Variants in TMEM220 observed in about 807,000 individuals in gnomAD.
TMEM220 encodes transmembrane protein 220.
In TMEM220, 21 loss-of-function variants were observed where a neutral mutation model predicts 21.7. That is an observed-to-expected ratio of 0.97 (90% confidence interval 0.69 to 1.39). The LOEUF is 1.39. TMEM220 is among the 40% of genes most tolerant of loss of function. The pLI is 0.00. For missense variants in TMEM220, 191 were observed against 201.9 expected (o/e 0.95, Z 0.33); for synonymous variants, 80 against 73.6 (o/e 1.09, Z -0.45).
At chr17:10,726,293 G>A in intron 2 of TMEM220, 29 bp from the exon 3 acceptor site, 5 of 1,555,814 alleles carry the variant, frequency 3.2e-6, no homozygotes, top group Non-Finnish European at 4.4e-6. Context: ...GAAATTACAT[G>A]AGTTAAGATG....
Position 10,729,030 on chromosome 17 carries a change from C to T in TMEM220, c.102+1G>A, listed in dbSNP as rs1392049867. ...AAAGCCTGGAAGCGGCTCATACTCA[C>T]CACCCACACCTCTGCATCTGGGTCA... On this transcript the variant is annotated splice_donor_variant, in intron 2 of 5. Transcript: ENST00000341871. LOFTEE classifies it high-confidence loss of function. 20 of 1,614,096 alleles carry T rather than the reference C, an allele frequency of 1.2e-5. No individual in the cohort carries two copies. Among genetic ancestry groups the T allele is most frequent in the Non-Finnish European group, 1.6e-5 (19 of 1,180,040 alleles).
In TMEM220 at chr17:10,715,324, T is replaced by G; in HGVS notation, c.*129A>C. ...TCTTACATCGAATTATATGCACCCTTAAAAAGTTATTTGGAGTTTTAAAAC... is the reference window on the plus strand; with the variant it reads ...TCTTACATCGAATTATATGCACCCTGAAAAAGTTATTTGGAGTTTTAAAAC... On this transcript the variant is annotated 3_prime_UTR_variant, in exon 6 of 6. Transcript: ENST00000341871. 1 of 812,574 alleles carries G rather than the reference T, an allele frequency of 1.2e-6. No individual in the cohort carries two copies. Among genetic ancestry groups the G allele is most frequent in the Non-Finnish European group, 1.8e-6 (1 of 543,580 alleles). 50.3% of individuals were successfully genotyped at this position (812,574 alleles called of 1,614,324 possible).
At chr17:10,716,290 G>A (rs1056897083) in intron 5 of TMEM220, 10 of 670,200 alleles carry the variant, frequency 1.5e-5, no homozygotes, top group East Asian at 7.3e-5. Flanking sequence ...AGGCCATAAC[G>A]CATCATCCTC....
chr17:10,724,978 C>T, intron 4 of TMEM220, 33 bp downstream of exon 4: 1 of 1,613,700 alleles, frequency 6.2e-7, no homozygotes. Flanking sequence ...TCCCACAGTT[C>T]TATCCCTCCA....
intron 2 of TMEM220, 58 bp downstream of exon 2, chr17:10,728,973 T>G (rs1210393023): frequency 1.3e-6 from 2 of 1,587,758 alleles, no homozygotes; most frequent in Non-Finnish European, 1.7e-6. Flanking sequence ...ACCGTGTGTT[T>G]TGTGCCGTTC....
chr17:10,729,937 CG>C lies in TMEM220; in HGVS notation c.-87del, dbSNP rs1209617706. The C allele has an allele frequency of 1.5e-5, 19 of 1,234,014 alleles. No homozygotes were observed. The East Asian group carries it at 5.7e-4, about 37-fold the overall frequency. 76.4% of individuals were successfully genotyped at this position (1,234,014 alleles called of 1,614,324 possible). A position where few individuals can be genotyped will look rare whatever the true frequency, so the allele number is the denominator to read the frequency against. ...CACGTACGGTCCGCCTTCCTCCTTG[CG>C]CGGAGGGACCGAGACCCCCGCCTCG... On this transcript the variant is annotated 5_prime_UTR_variant, in exon 1 of 6. Coordinates refer to ENST00000341871, the MANE Select transcript of TMEM220 (RefSeq NM_001004313.3).
intron 5 of TMEM220, among the ~76,000 whole-genome samples, chr17:10,721,628 GAAAAAAAAGA>G (rs1597528552): frequency 5.7e-5 from 3 of 52,800 alleles, no homozygotes; most frequent in African/African-American, 2.0e-4. Context: ...AAGAAAAAAA[GAAAAAAAAGA>G]AAAAAAAAAT....
At position 10,720,686 on chromosome 17, in the gene TMEM220, C is replaced by T. The variant is rs146045964; in HGVS notation, c.347+2584G>A. 2.2e-4 allele frequency among the ~76,000 whole-genome samples: 33 copies of T among 152,002 alleles called. No individual in the cohort carries two copies. The South Asian group carries it at 3.5e-3, about 16-fold the overall frequency. On this transcript the variant is annotated intron_variant, in intron 5 of 5. Coordinates refer to ENST00000341871, the MANE Select transcript of TMEM220 (RefSeq NM_001004313.3). ...TCAATATATTTTCAATACAATTAGCCCTAGAAATAAATGAATCTAACTGTG... is the reference window on the plus strand; with the variant it reads ...TCAATATATTTTCAATACAATTAGCTCTAGAAATAAATGAATCTAACTGTG...
chr17:10,726,500 T>C (rs2075051152), intron 2 of TMEM220: 1 of 547,882 alleles, frequency 1.8e-6, no homozygotes, highest in African/African-American at 1.9e-5. Context: ...CAGAAGCTCA[T>C]TTATCTTTGA....
Position 10,714,293 on chromosome 17 carries a change from T to C in TMEM220, c.*1160A>G, listed in dbSNP as rs577371862. The C allele has an allele frequency of 1.2e-4, 19 of 152,232 alleles. No individual in the cohort carries two copies. Among genetic ancestry groups the C allele is most frequent in the East Asian group, 9.7e-4 (5 of 5,178 alleles). 9.4% of individuals were successfully genotyped at this position (152,232 alleles called of 1,614,324 possible). A position where few individuals can be genotyped will look rare whatever the true frequency, so the allele number is the denominator to read the frequency against. ...TATTTAGGTATCATAAAATTTGCAA[T>C]TGGAAAATTAGATTCAAATACCCAA... On this transcript the variant is annotated 3_prime_UTR_variant, in exon 6 of 6. Coordinates refer to ENST00000341871, the MANE Select transcript of TMEM220 (RefSeq NM_001004313.3).
chr17:10,719,999 C>T (rs1263737570), intron 5 of TMEM220, among the ~76,000 whole-genome samples: 1 of 152,130 alleles, frequency 6.6e-6, no homozygotes, highest in Non-Finnish European at 1.5e-5. Context: ...AAGAGAAATG[C>T]AAGCTAAAAC....
Position 10,715,173 on chromosome 17 carries a change from C to A in TMEM220, c.*280G>T, listed in dbSNP as rs141623861. Reference sequence around the variant, plus strand: ...TATATTTGCCCAAATTACATAGTTACAAAGTTAAGTTAGAACTCGTATTTT... The same window carrying A: ...TATATTTGCCCAAATTACATAGTTAAAAAGTTAAGTTAGAACTCGTATTTT... On this transcript the variant is annotated 3_prime_UTR_variant, in exon 6 of 6. Coordinates refer to ENST00000341871, the MANE Select transcript of TMEM220 (RefSeq NM_001004313.3). 8.1e-6 allele frequency: 2 copies of A among 246,032 alleles called. No homozygotes were observed. The highest frequency in any genetic ancestry group is 2.1e-4 in the East Asian group (2 of 9,674). The allele number at this position is 246,032 out of a possible 1,614,324, so 15.2% of individuals were successfully genotyped here. A position where few individuals can be genotyped will look rare whatever the true frequency, so the allele number is the denominator to read the frequency against.
Position 10,723,448 on chromosome 17 carries a change from G to A in TMEM220, c.288-119C>T. Reference sequence around the variant, plus strand: ...GATTGAGTGACTGACTCTCCCTCAAGATCTATGGCATCGATGGAATATTTT... The same window carrying A: ...GATTGAGTGACTGACTCTCCCTCAAAATCTATGGCATCGATGGAATATTTT... On this transcript the variant is annotated intron_variant, in intron 4 of 5. Coordinates refer to ENST00000341871, the MANE Select transcript of TMEM220 (RefSeq NM_001004313.3). The A allele has an allele frequency of 4.0e-6, 3 of 755,648 alleles. 1 individual carries two copies. The East Asian group carries it at 7.5e-5, about 19-fold the overall frequency. The allele number at this position is 755,648 out of a possible 1,614,324, so 46.8% of individuals were successfully genotyped here.
At chr17:10,726,558 C>T (rs542142936) in intron 2 of TMEM220, among the ~76,000 whole-genome samples, 2 of 152,314 alleles carry the variant, frequency 1.3e-5, no homozygotes, top group East Asian at 3.9e-4. Context: ...CACTAACTTT[C>T]CAGTCGCTCC....
chr17:10,713,987 T>G lies in TMEM220; in HGVS notation c.*1466A>C, dbSNP rs1194373052. ...AAAAAACAGTATCTGACCACAGAGT[T>G]TGATGCTTGTGTATGTAAAATGTTG... On this transcript the variant is annotated 3_prime_UTR_variant, in exon 6 of 6. Coordinates refer to ENST00000341871, the MANE Select transcript of TMEM220 (RefSeq NM_001004313.3). 1 of 152,342 alleles carries G rather than the reference T, an allele frequency of 6.6e-6. No homozygotes were observed. The highest frequency in any genetic ancestry group is 2.1e-4 in the South Asian group (1 of 4,828). 9.4% of individuals were successfully genotyped at this position (152,342 alleles called of 1,614,324 possible).
In TMEM220 at chr17:10,713,381, A is replaced by G. The variant is rs1313692813; in HGVS notation, c.*2072T>C. On this transcript the variant is annotated 3_prime_UTR_variant, in exon 6 of 6. Transcript: ENST00000341871. ...GACTATTCCACCAAAAGTGCCTTTTATATGCTTAACTGAAGATGCGAAAGA... is the reference window on the plus strand; with the variant it reads ...GACTATTCCACCAAAAGTGCCTTTTGTATGCTTAACTGAAGATGCGAAAGA... 1 of 152,200 alleles carries G rather than the reference A, an allele frequency of 6.6e-6. No homozygotes were observed. The highest frequency in any genetic ancestry group is 2.1e-4 in the South Asian group (1 of 4,828). 9.4% of individuals were successfully genotyped at this position (152,200 alleles called of 1,614,324 possible). A position where few individuals can be genotyped will look rare whatever the true frequency, so the allele number is the denominator to read the frequency against.
At chr17:10,725,241 C>CA (rs1399370569) in intron 3 of TMEM220, 107 bp from the exon 4 acceptor site, 27 of 1,462,438 alleles carry the variant, frequency 1.8e-5, no homozygotes, top group Non-Finnish European at 2.1e-5. Context: ...AAAAGACATT[C>CA]AGACTCCCTC....
At chr17:10,716,075 G>C in intron 5 of TMEM220, 1 of 762,754 alleles carries the variant, frequency 1.3e-6, no homozygotes, top group Non-Finnish European at 2.2e-6. Flanking sequence ...ATTCAGTTTA[G>C]ATTGGTTTAA....
rs774786391 is a variant in TMEM220 at position 10,729,826 on chromosome 17, C to G, written c.26G>C (p.Cys9Ser). 1.4e-6 allele frequency: 2 copies of G among 1,394,402 alleles called. No homozygotes were observed. The highest frequency in any genetic ancestry group is 3.1e-5 in the South Asian group (2 of 65,554). The allele number at this position is 1,394,402 out of a possible 1,614,324, so 86.4% of individuals were successfully genotyped here. MAPALWRA[C>S]NGLMAAFFAL... is the part of the protein sequence containing the mutation. ...GAAGAAGGCGGCCATGAGTCCGTTGCAGGCCCGCCACAGCGCTGGCGCCAT... is the reference window on the plus strand; with the variant it reads ...GAAGAAGGCGGCCATGAGTCCGTTGGAGGCCCGCCACAGCGCTGGCGCCAT... Residue 9 changes from cysteine (C) to serine (S), a missense_variant, in exon 1 of 6, where the codon TGC (cysteine) becomes TCC (serine). Cys to Ser is a moderately radical substitution (Grantham distance 112). Coordinates refer to ENST00000341871, the MANE Select transcript of TMEM220 (RefSeq NM_001004313.3).
Sources: allele counts gnomAD v4.1 joint callset (sites outside exome capture counted in the v4.1 genomes callset), GRCh38; gene constraint gnomAD v4.1.1; transcripts MANE v1.5; gene names NCBI Gene and HGNC (gene_info 2026-07-23, HGNC 2026-07-21).